Variants in CHRNA2 observed in about 807,000 individuals in gnomAD.
CHRNA2 encodes the protein neuronal acetylcholine receptor subunit alpha-2.
In CHRNA2, 40 loss-of-function variants were observed where a neutral mutation model predicts 45.5. The observed-to-expected ratio is 0.88, with a 90% confidence interval of 0.68 to 1.15. CHRNA2 has a LOEUF of 1.15. Ranked by LOEUF, CHRNA2 falls within the 50% of genes most tolerant of loss-of-function variation. The probability of loss-of-function intolerance (pLI) is 0.00; values close to 1 mark genes in which losing one functional copy is unlikely to be tolerated. For missense variants in CHRNA2, 655 were observed against 701.7 expected (o/e 0.93, Z 0.75); for synonymous variants, 301 against 296.7 (o/e 1.01, Z -0.15).
At chr8:27,472,207 C>T (rs1812906400) in intron 1 of CHRNA2, among the ~76,000 whole-genome samples, 1 of 152,176 alleles carries the variant, frequency 6.6e-6, no homozygotes, top group Admixed American at 6.5e-5. Flanking sequence ...ACCAGTGTTT[C>T]CCTGAATTCT....
chr8:27,461,548 G>T lies in CHRNA2; in HGVS notation c.*81C>A. On this transcript the variant is annotated 3_prime_UTR_variant, in exon 7 of 7. Transcript: ENST00000407991. ...AGAGGCACCTGCTCATCCCAAAGGGGACACCAGAGGCAGCTGTAGCAGAGA... is the reference window on the plus strand; with the variant it reads ...AGAGGCACCTGCTCATCCCAAAGGGTACACCAGAGGCAGCTGTAGCAGAGA... The T allele has an allele frequency of 6.3e-7, 1 of 1,599,260 alleles. No homozygotes were observed. The highest frequency in any genetic ancestry group is 8.6e-7 in the Non-Finnish European group (1 of 1,168,442).
chr8:27,473,794 T>A (rs1057095874), intron 1 of CHRNA2, among the ~76,000 whole-genome samples: 2 of 152,172 alleles, frequency 1.3e-5, no homozygotes, highest in Non-Finnish European at 2.9e-5. Context: ...TTCTATCTAG[T>A]CATTCTCATC....
In CHRNA2 at chr8:27,460,221, G is replaced by A. The variant is rs1812425681; in HGVS notation, c.*1408C>T. 1 of 152,272 alleles carries A rather than the reference G, an allele frequency of 6.6e-6. No individual in the cohort carries two copies. 9.4% of individuals were successfully genotyped at this position (152,272 alleles called of 1,614,324 possible). ...AATGTCCCACCCTCCAGTCTGGACA[G>A]AGTTGGGGGGAGGTCTGTTGCCCGA... is the stretch of plus-strand genomic sequence containing the variant. On this transcript the variant is annotated 3_prime_UTR_variant, in exon 7 of 7. Coordinates refer to ENST00000407991, the MANE Select transcript of CHRNA2 (RefSeq NM_000742.4).
At position 27,463,370 on chromosome 8, in the gene CHRNA2, C is replaced by A. The variant is rs74341575; in HGVS notation, c.1073G>T (p.Ser358Ile). The A allele has an allele frequency of 4.5e-5, 73 of 1,614,030 alleles. No homozygotes were observed. The East Asian group carries it at 5.8e-4, about 13-fold the overall frequency. The change falls in exon 6 of 7, where the codon AGC becomes ATC. Residue 358 changes from serine (S) to isoleucine (I), a missense_variant. Around this residue, in one of 3 missense-constraint regions of CHRNA2, gnomAD observed 295 missense variants for 280.4 expected, o/e 1.05. Coordinates refer to ENST00000407991, the MANE Select transcript of CHRNA2 (RefSeq NM_000742.4). The surrounding 1 kb of genome is among the most constrained non-coding windows in gnomAD (Gnocchi z 6.1). Reference sequence around the variant, plus strand: ...CACCCAGTGGGGCATGGTGTGGGTGCTGGGGGAGCGGTGGTGCACATTGAG... The same window carrying A: ...CACCCAGTGGGGCATGGTGTGGGTGATGGGGGAGCGGTGGTGCACATTGAG... ...FVLNVHHRSPSTHTMPHWVRG... is the reference protein window; with the variant it reads ...FVLNVHHRSPITHTMPHWVRG...
At chr8:27,474,256 A>G (rs1812993828) in intron 1 of CHRNA2, among the ~76,000 whole-genome samples, 1 of 152,212 alleles carries the variant, frequency 6.6e-6, no homozygotes, top group South Asian at 2.1e-4. Context: ...TTGCTGGCAT[A>G]TACTGACTAC....
At chr8:27,472,405 G>C (rs141457058) in intron 1 of CHRNA2, among the ~76,000 whole-genome samples, 48 of 152,290 alleles carry the variant, frequency 3.2e-4, no homozygotes, top group African/African-American at 1.1e-3. Context: ...GATGGTGTCT[G>C]AATTGAATTA....
Position 27,469,953 on chromosome 8 carries a change from G to C in CHRNA2, c.102C>G (p.Pro34=). The C allele has an allele frequency of 6.2e-7, 1 of 1,613,952 alleles. No homozygotes were observed. The highest frequency in any genetic ancestry group is 8.5e-7 in the Non-Finnish European group (1 of 1,180,014). Residue 34 remains proline (P), a synonymous_variant, in exon 3 of 7, where the codon CCC becomes CCG. Transcript: ENST00000407991. Reference sequence around the variant, plus strand: ...AGGAGAGTGGGTCTCCAGGAGCCCTGGGAGGTGGGCGCTTAGCTTCCTCTC... The same window carrying C: ...AGGAGAGTGGGTCTCCAGGAGCCCTCGGAGGTGGGCGCTTAGCTTCCTCTC... ...AGGEEAKRPP[P]RAPGDPLSSP... is the part of the protein sequence containing the mutation.
chr8:27,463,159 A>G lies in CHRNA2; in HGVS notation c.1284T>C (p.His428=). ...EEEDRWACAG[H]VAPSVGTLCS... ...AGAGGGTGCCCACAGAGGGGGCCAC[A>G]TGACCTGCACATGCCCATCTGTCCT... is the stretch of plus-strand genomic sequence containing the variant. The change falls in exon 6 of 7, where the codon CAT becomes CAC. Residue 428 remains histidine (H), a synonymous_variant. Coordinates refer to ENST00000407991, the MANE Select transcript of CHRNA2 (RefSeq NM_000742.4). This position sits in a 1 kb window ranked among gnomAD's most constrained non-coding sequence, Gnocchi z 6.1. 1.2e-6 allele frequency: 2 copies of G among 1,600,706 alleles called. No homozygotes were observed. The highest frequency in any genetic ancestry group is 2.2e-5 in the East Asian group (1 of 44,568).
chr8:27,462,992 T>C lies in CHRNA2; in HGVS notation c.1451A>G (p.Asp484Gly). The C allele has an allele frequency of 6.2e-7, 1 of 1,614,016 alleles. No individual in the cohort carries two copies. Among genetic ancestry groups the C allele is most frequent in the Non-Finnish European group, 8.5e-7 (1 of 1,180,012 alleles). The change falls in exon 6 of 7, where the codon GAT becomes GGT. Residue 484 changes from aspartate to glycine, a missense_variant. Physicochemically the swap from Asp to Gly is moderately conservative, Grantham distance 94. This residue lies in a region of CHRNA2 where 295 missense variants were observed against 280.4 expected (regional missense o/e 1.05). Transcript: ENST00000407991. ...ACCCCAACGCACCGAAGAGTCAGCA[T>C]CCTCAGACCGCAGGTGGTCGGCAAT... ...HYIADHLRSE[D>G]ADSSVKEDWK...
chr8:27,468,360 A>C (rs1228526470), intron 4 of CHRNA2, among the ~76,000 whole-genome samples: 2 of 152,154 alleles, frequency 1.3e-5, no homozygotes, highest in Admixed American at 1.3e-4. Flanking sequence ...CACATCTGTA[A>C]AGATGAGATG....
rs71651699 is a variant in CHRNA2 at position 27,464,149 on chromosome 8, T to C, written c.450-156A>G. On this transcript the variant is annotated intron_variant, in intron 5 of 6. Transcript: ENST00000407991. ...GCAAGTGTGTAAGTCTCCCCCGGCA[T>C]GCACATTTATAGCCACTGAGCTGTC... Among the ~76,000 whole-genome samples the C allele has an allele frequency of 0.02, 2,986 of 152,278 alleles. 36 individuals are homozygous for C. Among genetic ancestry groups the C allele is most frequent in the Non-Finnish European group, 0.031 (2,105 of 68,014 alleles).
Position 27,469,887 on chromosome 8 carries a change from G to A in CHRNA2, c.168C>T (p.Thr56=), listed in dbSNP as rs200729883. ...PTALPQGGSH[T]ETEDRLFKHL... is the part of the protein sequence containing the mutation. Reference sequence around the variant, plus strand: ...GTTTGAAGAGCCGGTCCTCAGTCTCGGTATGCGAGCCTCCCTGCGGCAATG... The same window carrying A: ...GTTTGAAGAGCCGGTCCTCAGTCTCAGTATGCGAGCCTCCCTGCGGCAATG... The change falls in exon 3 of 7, where the codon ACC becomes ACT. Residue 56 remains threonine, a synonymous_variant. Transcript: ENST00000407991. The A allele has an allele frequency of 7.1e-5, 114 of 1,614,186 alleles. 1 individual carries two copies. Among genetic ancestry groups the A allele is most frequent in the African/African-American group, 2.3e-4 (17 of 75,056 alleles).
intron 1 of CHRNA2, among the ~76,000 whole-genome samples, chr8:27,471,694 A>G (rs1333755633): frequency 1.3e-5 from 2 of 152,258 alleles, no homozygotes; most frequent in Non-Finnish European, 2.9e-5. Context: ...AGGAACCTAG[A>G]AAGCATTGTG....
intron 5 of CHRNA2, 83 bp downstream of exon 5, chr8:27,467,145 CA>C (rs1812720376): frequency 9.8e-7 from 1 of 1,022,984 alleles, no homozygotes; most frequent in Non-Finnish European, 1.5e-6. Flanking sequence ...AAGCTGACAC[CA>C]GGGGGGCCCC....
rs1048479171 is a variant in CHRNA2 at position 27,467,275 on chromosome 8, C to A, written c.403G>T (p.Val135Phe). 2 of 1,613,928 alleles carry A rather than the reference C, an allele frequency of 1.2e-6. No individual in the cohort carries two copies. Among genetic ancestry groups the A allele is most frequent in the Non-Finnish European group, 1.7e-6 (2 of 1,179,914 alleles). The part of the protein sequence containing the change: ...TDFGNITSLR[V>F]PSEMIWIPDI... ...GGGATCCAGATCATCTCAGAAGGGA[C>A]CCTGAGAGATGTGATGTTGCCAAAA... is the stretch of plus-strand genomic sequence containing the variant. Residue 135 changes from valine to phenylalanine, a missense_variant, in exon 5 of 7, where the codon GTC (valine) becomes TTC (phenylalanine). Transcript: ENST00000407991.
At chr8:27,475,800 G>C (rs1178647368) in intron 1 of CHRNA2, among the ~76,000 whole-genome samples, 1 of 152,172 alleles carries the variant, frequency 6.6e-6, no homozygotes, top group Non-Finnish European at 1.5e-5. Context: ...AAATGGGATC[G>C]CTACATTGAT....
intron 5 of CHRNA2, among the ~76,000 whole-genome samples, chr8:27,466,868 G>A (rs975294871): frequency 2.6e-5 from 4 of 152,164 alleles, no homozygotes; most frequent in Non-Finnish European, 5.9e-5. Context: ...GTGCTGGCCC[G>A]ATGCTGCCTG....
rs1303105558 is a variant in CHRNA2, at chr8:27,463,824, C to A, written c.619G>T (p.Asp207Tyr). The change falls in exon 6 of 7, where the codon GAC becomes TAC. Residue 207 changes from aspartate (D) to tyrosine (Y), a missense_variant. This residue lies in a region of CHRNA2 where 323 missense variants were observed against 354.4 expected (regional missense o/e 0.91). Coordinates refer to ENST00000407991, the MANE Select transcript of CHRNA2 (RefSeq NM_000742.4). This position sits in a 1 kb window ranked among gnomAD's most constrained non-coding sequence, Gnocchi z 6.1. ...CKMKFGSWTY[D>Y]KAKIDLEQME... ...TGCTCCAGGTCGATCTTGGCCTTGT[C>A]ATAAGTCCAGGAGCCAAACTTCATC... is the stretch of plus-strand genomic sequence containing the variant. 6.2e-7 allele frequency: 1 copy of A among 1,614,178 alleles called. No homozygotes were observed. Among genetic ancestry groups the A allele is most frequent in the South Asian group, 1.1e-5 (1 of 91,082 alleles).
At chr8:27,471,304 G>A (rs1242829013) in intron 1 of CHRNA2, 110 bp from the exon 2 acceptor site, 1 of 464,742 alleles carries the variant, frequency 2.2e-6, no homozygotes, top group Non-Finnish European at 4.0e-6. Flanking sequence ...GCCCTCAGCA[G>A]GCCTCTCAGC....
Sources: allele counts gnomAD v4.1 joint callset (sites outside exome capture counted in the v4.1 genomes callset), GRCh38; gene constraint gnomAD v4.1.1; regional missense constraint gnomAD v4.1.1; non-coding constraint Gnocchi (gnomAD v3.1); transcripts MANE v1.5; gene names NCBI Gene and HGNC (gene_info 2026-07-23, HGNC 2026-07-21).